The following KCNK12 variants were observed in gnomAD, a reference collection of about 807,000 sequenced individuals.
KCNK12 encodes the protein potassium channel subfamily K member 12.
A neutral mutation model predicts 25.3 loss-of-function variants in KCNK12; 6 were observed. The observed-to-expected ratio is 0.24, with a 90% CI of 0.13 to 0.47. KCNK12 has a LOEUF of 0.47. KCNK12 is among the 20% of genes least tolerant of loss of function. KCNK12 has a pLI of 0.99. For synonymous variants in KCNK12, 331 were observed against 311.1 expected (o/e 1.06, Z -0.67); for missense variants, 444 against 661.7 (o/e 0.67, Z 3.61).
rs1156521175 is a variant in KCNK12 at position 47,516,201 on chromosome 2, A to G, written c.*4706T>C. On this transcript the variant is annotated 3_prime_UTR_variant, in exon 2 of 2. Coordinates refer to ENST00000327876, the MANE Select transcript of KCNK12 (RefSeq NM_022055.2). ...GTGTTTACAGGGTGTATTCAAGTCC[A>G]TGACTGCCCATTAGAATCCCCCCAA... 6.6e-6 allele frequency among the ~76,000 whole-genome samples: 1 copy of G among 152,190 alleles called. No individual in the cohort carries two copies. The highest frequency in any genetic ancestry group is 1.5e-5 in the Non-Finnish European group (1 of 68,022).
intron 1 of KCNK12, among the ~76,000 whole-genome samples, chr2:47,527,255 T>TCCTTAA (rs1668801733): frequency 6.6e-6 from 1 of 152,170 alleles, no homozygotes; most frequent in Non-Finnish European, 1.5e-5. Context: ...GTGACTCCCA[T>TCCTTAA]CCTTAAGAGT....
rs1478880760 is a variant in KCNK12 at position 47,560,278 on chromosome 2, G to A, written c.391+9663C>T. ...AGAGTTCTGGTGAGCTCTGTGGGAA[G>A]CACGTGCTCTACCCTCTCCGATCTG... On this transcript the variant is annotated intron_variant, in intron 1 of 1. Transcript: ENST00000327876. The surrounding 1 kb of genome is among the most constrained non-coding windows in gnomAD (Gnocchi z 4.7). Among the ~76,000 whole-genome samples, 6 of 152,246 alleles carry A rather than the reference G, an allele frequency of 3.9e-5. No homozygotes were observed. Among genetic ancestry groups the A allele is most frequent in the Non-Finnish European group, 7.3e-5 (5 of 68,040 alleles).
In KCNK12 at chr2:47,514,946, A is replaced by G. The variant is rs1196543755; in HGVS notation, c.*5961T>C. 6.6e-6 allele frequency among the ~76,000 whole-genome samples: 1 copy of G among 152,058 alleles called. No homozygotes were observed. The highest frequency in any genetic ancestry group is 1.5e-5 in the Non-Finnish European group (1 of 68,014). On this transcript the variant is annotated 3_prime_UTR_variant, in exon 2 of 2. Coordinates refer to ENST00000327876, the MANE Select transcript of KCNK12 (RefSeq NM_022055.2). The surrounding 1 kb of genome is among the most constrained non-coding windows in gnomAD (Gnocchi z 5.0). ...TTTTTAAAATCTGCTTGTTAGATAC[A>G]CTCATAGAAAGGTAACTGGCCACAG...
At chr2:47,553,852 T>C (rs1170914510) in intron 1 of KCNK12, among the ~76,000 whole-genome samples, 1 of 152,206 alleles carries the variant, frequency 6.6e-6, no homozygotes, top group African/African-American at 2.4e-5. Context: ...CACTGTTCTT[T>C]CAAACCTGCC....
intron 1 of KCNK12, among the ~76,000 whole-genome samples, chr2:47,532,193 A>G (rs545095992): frequency 6.6e-6 from 1 of 151,596 alleles, no homozygotes; most frequent in South Asian, 2.1e-4. Flanking sequence ...ACATTCTAGT[A>G]ACAATAAGCA....
At chr2:47,530,654 A>G (rs1198234336) in intron 1 of KCNK12, among the ~76,000 whole-genome samples, 1 of 152,152 alleles carries the variant, frequency 6.6e-6, no homozygotes, top group African/African-American at 2.4e-5. Flanking sequence ...TCCAAGTCAC[A>G]GCTTTTTTCC....
chr2:47,515,770 G>A lies in KCNK12; in HGVS notation c.*5137C>T, dbSNP rs1668510298. Among the ~76,000 whole-genome samples, 1 of 152,140 alleles carries A rather than the reference G, an allele frequency of 6.6e-6. No homozygotes were observed. Among genetic ancestry groups the A allele is most frequent in the South Asian group, 2.1e-4 (1 of 4,836 alleles). Reference sequence around the variant, plus strand: ...GGAGGGGAGAGAAGGCCTCAGTAGAGTTTGCACTATTATTAGGGCAAGTAA... The same window carrying A: ...GGAGGGGAGAGAAGGCCTCAGTAGAATTTGCACTATTATTAGGGCAAGTAA... On this transcript the variant is annotated 3_prime_UTR_variant, in exon 2 of 2. Transcript: ENST00000327876.
In KCNK12 at chr2:47,525,142, T is replaced by C. The variant is rs1668741555; in HGVS notation, c.392-3334A>G. 6.6e-6 allele frequency among the ~76,000 whole-genome samples: 1 copy of C among 152,244 alleles called. No individual in the cohort carries two copies. Among genetic ancestry groups the C allele is most frequent in the Non-Finnish European group, 1.5e-5 (1 of 68,044 alleles). On this transcript the variant is annotated intron_variant, in intron 1 of 1. Coordinates refer to ENST00000327876, the MANE Select transcript of KCNK12 (RefSeq NM_022055.2). This position sits in a 1 kb window ranked among gnomAD's most constrained non-coding sequence, Gnocchi z 4.1. The stretch of plus-strand genomic sequence containing the variant: ...TAAAGAGAAGTTCCAGACACATCCA[T>C]GCTGGACTTAATAAAACAGCAAAAC...
intron 1 of KCNK12, among the ~76,000 whole-genome samples, chr2:47,567,652 C>A (rs549564246): frequency 6.6e-6 from 1 of 152,168 alleles, no homozygotes; most frequent in East Asian, 1.9e-4. Context: ...GTCTTGGCAT[C>A]CTCACAGAGG....
Position 47,570,191 on chromosome 2 carries a change from G to A in KCNK12, c.141C>T (p.Gly47=). The change falls in exon 1 of 2, where the codon GGC becomes GGT. Residue 47 remains glycine (G), a synonymous_variant. Transcript: ENST00000327876. ...CTGTGGCACCCGCCACCAGGTAGAG[G>A]CCGATGAGCGCCGCCAGCAGCACGA... The part of the protein sequence containing the change: ...GRFVLLAALI[G]LYLVAGATVF... The A allele has an allele frequency of 6.7e-7, 1 of 1,497,214 alleles. No homozygotes were observed. The highest frequency in any genetic ancestry group is 8.9e-7 in the Non-Finnish European group (1 of 1,127,980). 92.7% of individuals were successfully genotyped at this position (1,497,214 alleles called of 1,614,324 possible).
rs1172855522 is a variant in KCNK12, at chr2:47,555,186, T to A, written c.391+14755A>T. Among the ~76,000 whole-genome samples the A allele has an allele frequency of 1.3e-5, 2 of 152,194 alleles. No individual in the cohort carries two copies. Among genetic ancestry groups the A allele is most frequent in the Non-Finnish European group, 2.9e-5 (2 of 68,036 alleles). ...CTTAGTGTAGAAGATGGGTTATTCA[T>A]CAATAGATAAATGGGTTTAAAGCCA... On this transcript the variant is annotated intron_variant, in intron 1 of 1. Coordinates refer to ENST00000327876, the MANE Select transcript of KCNK12 (RefSeq NM_022055.2). The surrounding 1 kb of genome is among the most constrained non-coding windows in gnomAD (Gnocchi z 4.5).
At chr2:47,561,236 G>A (rs1267676377) in intron 1 of KCNK12, among the ~76,000 whole-genome samples, 1 of 152,202 alleles carries the variant, frequency 6.6e-6, no homozygotes, top group Non-Finnish European at 1.5e-5. Flanking sequence ...TCTGCTCCGG[G>A]TGTGGGGGGC....
rs1332283378 is a variant in KCNK12, at chr2:47,569,597, G to A, written c.391+344C>T. 6.6e-6 allele frequency among the ~76,000 whole-genome samples: 1 copy of A among 152,172 alleles called. No individual in the cohort carries two copies. The highest frequency in any genetic ancestry group is 2.4e-5 in the African/African-American group (1 of 41,446). ...CATCCTGGAGAGGAAACTGAGGCCT[G>A]GGGGTTGTGGGTGGAAAACAGGAAG... is the stretch of plus-strand genomic sequence containing the variant. On this transcript the variant is annotated intron_variant, in intron 1 of 1. Transcript: ENST00000327876. The surrounding 1 kb of genome is among the most constrained non-coding windows in gnomAD (Gnocchi z 4.1).
At chr2:47,550,508 G>T (rs1254027193) in intron 1 of KCNK12, among the ~76,000 whole-genome samples, 1 of 147,748 alleles carries the variant, frequency 6.8e-6, no homozygotes, top group African/African-American at 2.5e-5. Flanking sequence ...TCAGCCTCCC[G>T]AGTAGCTGGG....
chr2:47,540,086 G>A lies in KCNK12; in HGVS notation c.392-18278C>T, dbSNP rs753579408. Among the ~76,000 whole-genome samples, 6 of 152,212 alleles carry A rather than the reference G, an allele frequency of 3.9e-5. No individual in the cohort carries two copies. The highest frequency in any genetic ancestry group is 8.8e-5 in the Non-Finnish European group (6 of 68,034). On this transcript the variant is annotated intron_variant, in intron 1 of 1. Transcript: ENST00000327876. This position sits in a 1 kb window ranked among gnomAD's most constrained non-coding sequence, Gnocchi z 5.4. Reference sequence around the variant, plus strand: ...GGGATCAGAGGGGAGGGGACAGCTGGCGGATTTAGCAGAGTACGTGGCACA... The same window carrying A: ...GGGATCAGAGGGGAGGGGACAGCTGACGGATTTAGCAGAGTACGTGGCACA...
chr2:47,534,524 C>CCCG (rs1553378777), intron 1 of KCNK12, among the ~76,000 whole-genome samples: 1 of 127,736 alleles, frequency 7.8e-6, no homozygotes, highest in Non-Finnish European at 1.7e-5. Context: ...AACCCCCCCC[C>CCCG]CCGCCCCCAC....
At chr2:47,554,162 G>A (rs1034381836) in intron 1 of KCNK12, among the ~76,000 whole-genome samples, 4 of 152,102 alleles carry the variant, frequency 2.6e-5, no homozygotes, top group Admixed American at 6.5e-5. Flanking sequence ...CAAACACAAG[G>A]TACTGTGCTA....
intron 1 of KCNK12, among the ~76,000 whole-genome samples, chr2:47,535,911 G>A (rs866916719): frequency 6.6e-6 from 1 of 152,144 alleles, no homozygotes; most frequent in Non-Finnish European, 1.5e-5. Flanking sequence ...GTTCAGAGAC[G>A]TTAATGACCT....
In KCNK12 at chr2:47,566,589, A is replaced by G. The variant is rs1203639957; in HGVS notation, c.391+3352T>C. The stretch of plus-strand genomic sequence containing the variant: ...TGTCTAGCTAACTAAGACCTGCCAG[A>G]TGCTTCTAACTTGTCTGGCCTGTAA... On this transcript the variant is annotated intron_variant, in intron 1 of 1. Transcript: ENST00000327876. The surrounding 1 kb of genome is among the most constrained non-coding windows in gnomAD (Gnocchi z 4.1). 6.6e-6 allele frequency: 1 copy of G among 152,118 alleles called. No homozygotes were observed. Among genetic ancestry groups the G allele is most frequent in the Non-Finnish European group, 1.5e-5 (1 of 68,016 alleles). The allele number at this position is 152,118 out of a possible 1,614,324, so 9.4% of individuals were successfully genotyped here. A position where few individuals can be genotyped will look rare whatever the true frequency, so the allele number is the denominator to read the frequency against.
Sources: gnomAD v4.1 joint callset for allele counts (sites outside exome capture counted in the v4.1 genomes callset) on GRCh38, gnomAD v4.1.1 for gene constraint, Gnocchi (gnomAD v3.1) non-coding constraint, MANE v1.5 for transcripts, NCBI Gene and HGNC (gene_info 2026-07-23, HGNC 2026-07-21) for gene names.